Variants in SNRPE observed in about 807,000 individuals in gnomAD.
SNRPE encodes small nuclear ribonucleoprotein polypeptide E, also known as small nuclear ribonucleoprotein E.
For missense variants in SNRPE, 53 were observed against 111.6 expected (o/e 0.48, Z 2.36); for synonymous variants, 35 against 36.7 (o/e 0.95, Z 0.17).
At chr1:203,868,971 G>A (rs7533264) in intron 4 of SNRPE, among the ~76,000 whole-genome samples, 115,229 of 152,156 alleles carry the variant, frequency 0.76, 43,748 homozygotes, top group East Asian at 0.8. Context: ...ACCCAGCCGG[G>A]TTTTTTAGAT....
Position 203,862,976 on chromosome 1 carries a change from C to A in SNRPE, c.82-687C>A, listed in dbSNP as rs1013993808. 3.3e-5 allele frequency among the ~76,000 whole-genome samples: 5 copies of A among 151,876 alleles called. No individual in the cohort carries two copies. The East Asian group carries it at 9.7e-4, about 29-fold the overall frequency. On this transcript the variant is annotated intron_variant, in intron 2 of 4. Coordinates refer to ENST00000414487, the MANE Select transcript of SNRPE (RefSeq NM_003094.4). ...CCAGAAGCAGTAAGAAATATTGAGT[C>A]CCAAAATCACAGGAAAATTATTAGC...
chr1:203,862,491 A>G (rs1689997226), intron 2 of SNRPE, among the ~76,000 whole-genome samples: 1 of 152,188 alleles, frequency 6.6e-6, no homozygotes, highest in South Asian at 2.1e-4. Flanking sequence ...TTATTAGCAG[A>G]CTTGACCATG....
intron 3 of SNRPE, among the ~76,000 whole-genome samples, chr1:203,864,296 C>A (rs912141730): frequency 6.6e-6 from 1 of 151,472 alleles, no homozygotes; most frequent in African/African-American, 2.4e-5. Context: ...AAATATTGAG[C>A]GACAATGTTA....
At chr1:203,862,945 T>G (rs1321431565) in intron 2 of SNRPE, among the ~76,000 whole-genome samples, 1 of 152,018 alleles carries the variant, frequency 6.6e-6, no homozygotes, top group Non-Finnish European at 1.5e-5. Flanking sequence ...TCTTAATAGA[T>G]TGAGACCAGA....
intron 4 of SNRPE, among the ~76,000 whole-genome samples, 166 bp from the exon 5 acceptor site, chr1:203,869,711 C>G (rs1047646150): frequency 2.6e-5 from 4 of 152,068 alleles, no homozygotes; most frequent in African/African-American, 9.7e-5. Flanking sequence ...TAAATGTATT[C>G]TAATGGAGCC....
At chr1:203,867,108 A>AG in intron 4 of SNRPE, among the ~76,000 whole-genome samples, 1 of 48,876 alleles carries the variant, frequency 2.0e-5, no homozygotes, top group African/African-American at 6.7e-5. Context: ...GTCTTTCCTG[A>AG]AAAAAAAAAA....
chr1:203,866,218 A>T (rs550941873), intron 4 of SNRPE, among the ~76,000 whole-genome samples: 1 of 152,214 alleles, frequency 6.6e-6, no homozygotes, highest in Non-Finnish European at 1.5e-5. Context: ...TAGAGATTCT[A>T]AGGATTTTAG....
intron 2 of SNRPE, 52 bp downstream of exon 2, chr1:203,862,274 T>A: frequency 7.5e-7 from 1 of 1,338,760 alleles, no homozygotes; most frequent in Non-Finnish European, 1.1e-6. Context: ...GGTGAACTGA[T>A]TTAGTTTTTT....
At chr1:203,867,929 GTC>G (rs1558158882) in intron 4 of SNRPE, among the ~76,000 whole-genome samples, 1 of 152,134 alleles carries the variant, frequency 6.6e-6, no homozygotes, top group African/African-American at 2.4e-5. Flanking sequence ...TTTTATTAGT[GTC>G]TCTCCTGTTA....
At chr1:203,864,189 A>G (rs530535577) in intron 3 of SNRPE, among the ~76,000 whole-genome samples, 1 of 152,220 alleles carries the variant, frequency 6.6e-6, no homozygotes, top group East Asian at 1.9e-4. Context: ...CCTAGGCTCA[A>G]GTGATTCTCC....
intron 3 of SNRPE, 81 bp from the exon 4 acceptor site, chr1:203,864,960 T>G: frequency 7.3e-7 from 1 of 1,365,416 alleles, no homozygotes; most frequent in East Asian, 2.7e-5. Flanking sequence ...TTAGTTGGAG[T>G]TTTTATCTGC....
intron 4 of SNRPE, among the ~76,000 whole-genome samples, chr1:203,869,231 T>A (rs1383001327): frequency 6.6e-6 from 1 of 150,912 alleles, no homozygotes; most frequent in Admixed American, 6.7e-5. Context: ...AAAAGTATTG[T>A]CTTAAATAAC....
At position 203,861,627 on chromosome 1, in the gene SNRPE, A is replaced by C. The variant is rs372566534; in HGVS notation, c.-33A>C. On this transcript the variant is annotated 5_prime_UTR_variant, in exon 1 of 5. Coordinates refer to ENST00000414487, the MANE Select transcript of SNRPE (RefSeq NM_003094.4). ...TATTCCGGAAGTTGCTCTCAGAGGCAGCGTGCGGGTGTGCTCTTTGTGAAA... is the reference window on the plus strand; with the variant it reads ...TATTCCGGAAGTTGCTCTCAGAGGCCGCGTGCGGGTGTGCTCTTTGTGAAA... 2.4e-4 allele frequency: 377 copies of C among 1,587,352 alleles called. 1 individual carries two copies. The highest frequency in any genetic ancestry group is 3.2e-4 in the Non-Finnish European group (372 of 1,155,674).
intron 1 of SNRPE, 172 bp downstream of exon 1, chr1:203,861,885 T>G: frequency 1.5e-6 from 1 of 663,584 alleles, no homozygotes; most frequent in South Asian, 1.7e-5. Context: ...GGTGGGGAGG[T>G]GGTCTTGGGG....
chr1:203,867,524 G>C (rs1278855824), intron 4 of SNRPE, among the ~76,000 whole-genome samples: 1 of 152,156 alleles, frequency 6.6e-6, no homozygotes, highest in Non-Finnish European at 1.5e-5. Flanking sequence ...AGTCCCATCT[G>C]GGGGTGATGG....
chr1:203,861,974 A>C, intron 1 of SNRPE: 1 of 611,828 alleles, frequency 1.6e-6, no homozygotes, highest in South Asian at 2.0e-5. Context: ...TGAAAACGGG[A>C]GTTAACGGTT....
At chr1:203,862,304 C>T in intron 2 of SNRPE, 82 bp downstream of exon 2, 1 of 975,448 alleles carries the variant, frequency 1.0e-6, no homozygotes, top group Non-Finnish European at 1.7e-6. Flanking sequence ...TGAGCGATCG[C>T]TGTGTTCTAG....
intron 4 of SNRPE, among the ~76,000 whole-genome samples, chr1:203,865,528 T>C (rs1690068800): frequency 6.6e-6 from 1 of 152,138 alleles, no homozygotes; most frequent in African/African-American, 2.4e-5. Flanking sequence ...TGACCAGATG[T>C]ATGGGCATAT....
chr1:203,864,134 T>G (rs1690037428), intron 3 of SNRPE, among the ~76,000 whole-genome samples: 1 of 152,074 alleles, frequency 6.6e-6, no homozygotes, highest in Non-Finnish European at 1.5e-5. Context: ...TTTTATTTTT[T>G]ATAGAGATGA....
Sources: allele counts gnomAD v4.1 joint callset (sites outside exome capture counted in the v4.1 genomes callset), GRCh38; gene constraint gnomAD v4.1.1; transcripts MANE v1.5; gene names NCBI Gene and HGNC (gene_info 2026-07-23, HGNC 2026-07-21).